Variants in TESMIN observed in about 807,000 individuals in gnomAD.
TESMIN encodes CXC domain containing 2.
A neutral mutation model predicts 47.4 loss-of-function variants in TESMIN; 34 were observed. The ratio of observed to expected loss-of-function variants is 0.72; its 90% confidence interval spans 0.55 to 0.96. The LOEUF (loss-of-function observed/expected upper bound fraction) is 0.96. Ranked by LOEUF, TESMIN falls within the 40% of genes least tolerant of loss-of-function variation. TESMIN has a pLI of 0.00. For synonymous variants in TESMIN, 278 were observed against 258.9 expected (o/e 1.07, Z -0.71); for missense variants, 610 against 637.2 (o/e 0.96, Z 0.46).
At chr11:68,731,957 T>G (rs535714400) in intron 6 of TESMIN, among the ~76,000 whole-genome samples, 2 of 152,338 alleles carry the variant, frequency 1.3e-5, no homozygotes, top group East Asian at 3.9e-4. Flanking sequence ...AACATCCTTT[T>G]CCAGTGCCCA....
downstream of TESMIN, among the ~76,000 whole-genome samples, chr11:68,705,158 C>T (rs1000280383): frequency 2.0e-5 from 3 of 152,306 alleles, no homozygotes; most frequent in Admixed American, 6.5e-5. Flanking sequence ...AAGCTGTGCC[C>T]GGTGCCTTCC....
intron 3 of TESMIN, among the ~76,000 whole-genome samples, chr11:68,746,529 C>T (rs1946522107): frequency 6.6e-6 from 1 of 152,116 alleles, no homozygotes; most frequent in South Asian, 2.1e-4. Flanking sequence ...TAAAGAATTG[C>T]TGGGGGAAAG....
chr11:68,727,596 G>A (rs1333351561), intron 6 of TESMIN, among the ~76,000 whole-genome samples: 1 of 152,174 alleles, frequency 6.6e-6, no homozygotes, highest in Non-Finnish European at 1.5e-5. Context: ...GTCCAAAAAT[G>A]TATAATTTAA....
chr11:68,739,519 G>A (rs539106520), intron 5 of TESMIN, among the ~76,000 whole-genome samples: 7 of 152,286 alleles, frequency 4.6e-5, no homozygotes, highest in Non-Finnish European at 8.8e-5. Flanking sequence ...GTCCAAAAAT[G>A]GAAATGTATC....
chr11:68,705,121 G>C (rs964559542), downstream of TESMIN, among the ~76,000 whole-genome samples: 2 of 152,184 alleles, frequency 1.3e-5, no homozygotes, highest in African/African-American at 4.8e-5. Flanking sequence ...GTGCAGCACG[G>C]AGACCGCACA....
intron 6 of TESMIN, among the ~76,000 whole-genome samples, chr11:68,725,799 T>C (rs370250585): frequency 6.6e-6 from 1 of 152,194 alleles, no homozygotes; most frequent in African/African-American, 2.4e-5. Flanking sequence ...AAACTCATTC[T>C]TAATTCATTG....
chr11:68,720,778 T>C (rs1338622833), intron 6 of TESMIN, among the ~76,000 whole-genome samples: 1 of 152,254 alleles, frequency 6.6e-6, no homozygotes, highest in East Asian at 1.9e-4. Context: ...AAATGTCTTT[T>C]ATTAATTTTA....
chr11:68,743,884 G>C (rs2153992969), intron 4 of TESMIN, among the ~76,000 whole-genome samples: 1 of 152,272 alleles, frequency 6.6e-6, no homozygotes, highest in South Asian at 2.1e-4. Flanking sequence ...GGGGGAGTAT[G>C]ATTATATGAT....
At position 68,711,985 on chromosome 11, in the gene TESMIN, C is replaced by T. The variant is rs138198705; in HGVS notation, c.1159-936G>A. On this transcript the variant is annotated intron_variant, in intron 8 of 9. Coordinates refer to ENST00000255087, the MANE Select transcript of TESMIN (RefSeq NM_004923.3). ...TGGCTTTCTCTTTCCTTCAGCCCCC[C>T]GGGGATTTCCCTCTGTTCTTTCCAG... is the stretch of plus-strand genomic sequence containing the variant. 2.9e-4 allele frequency among the ~76,000 whole-genome samples: 44 copies of T among 152,346 alleles called. No individual in the cohort carries two copies. In the East Asian group the frequency reaches 3.7e-3, roughly 13 times the overall value.
chr11:68,715,918 A>C lies in TESMIN; in HGVS notation c.939T>G (p.Ser313Arg). 6.2e-7 allele frequency: 1 copy of C among 1,612,506 alleles called. No homozygotes were observed. ...AATTGCAGTTGTTGCAAAAGTCCCC[A>C]CTGGCAAAGCAGTCACAGTACCTGT... ...TLAGYCDCFA[S>R]GDFCNNCNCN... Residue 313 changes from serine to arginine, a missense_variant, in exon 7 of 10, where the codon AGT becomes AGG. Ser to Arg is a moderately radical substitution (Grantham distance 110). Coordinates refer to ENST00000255087, the MANE Select transcript of TESMIN (RefSeq NM_004923.3).
At chr11:68,710,810 T>C in intron 9 of TESMIN, 64 bp downstream of exon 9, 1 of 1,458,968 alleles carries the variant, frequency 6.9e-7, no homozygotes. Context: ...TAAATTGTCG[T>C]TAATTCTCCT....
At chr11:68,709,364 C>G (rs1594282476) in intron 9 of TESMIN, among the ~76,000 whole-genome samples, 1 of 152,202 alleles carries the variant, frequency 6.6e-6, no homozygotes, top group East Asian at 1.9e-4. Context: ...CCCCGCAGGC[C>G]CACGTGCAGC....
intron 6 of TESMIN, among the ~76,000 whole-genome samples, chr11:68,735,950 C>A (rs1378459597): frequency 6.6e-6 from 1 of 152,258 alleles, no homozygotes; most frequent in African/African-American, 2.4e-5. Context: ...GGGCCTCTGA[C>A]TGCAGTGGAC....
chr11:68,708,529 C>T lies in TESMIN; in HGVS notation c.1335-29G>A, dbSNP rs548477264. 2.6e-6 allele frequency: 4 copies of T among 1,564,884 alleles called. No homozygotes were observed. In the East Asian group the frequency reaches 9.0e-5, roughly 35 times the overall value. ...TCAGAAACAGAGCAGTTAAAGGCCG[C>T]TCAACAGTGCACCATTTCTACCTAC... On this transcript the variant is annotated intron_variant, in intron 9 of 9. Transcript: ENST00000255087.
intron 4 of TESMIN, among the ~76,000 whole-genome samples, chr11:68,743,473 T>C (rs1946483743): frequency 6.6e-6 from 1 of 151,910 alleles, no homozygotes; most frequent in Non-Finnish European, 1.5e-5. Context: ...GGTCTTGAAC[T>C]CCTGAGCTCA....
chr11:68,711,713 G>C (rs970652638), intron 8 of TESMIN, among the ~76,000 whole-genome samples: 2 of 152,212 alleles, frequency 1.3e-5, no homozygotes, highest in Non-Finnish European at 2.9e-5. Context: ...TGCAGAGAAT[G>C]TACAAGAGAG....
rs189940776 is a variant in TESMIN, at chr11:68,714,749, G to T, written c.1020+1088C>A. On this transcript the variant is annotated intron_variant, in intron 7 of 9. Transcript: ENST00000255087. ...CCGTACAAATCTCCCAGTGGACATT[G>T]GCGCTTGCTTCTATTGGCTATATTT... Among the ~76,000 whole-genome samples, 3 of 152,304 alleles carry T rather than the reference G, an allele frequency of 2.0e-5. No individual in the cohort carries two copies. In the East Asian group the frequency reaches 5.8e-4, roughly 29 times the overall value.
At chr11:68,711,128 AATAATTCTTCGCGT>A (rs1416454704) in intron 8 of TESMIN, 79 bp from the exon 9 acceptor site, 35 of 1,248,658 alleles carry the variant, frequency 2.8e-5, no homozygotes, top group Non-Finnish European at 3.7e-5. Flanking sequence ...TTGGACCTTA[AATAATTCTTCGCGT>A]ATATTTGCCC....
At chr11:68,729,174 G>T (rs932357418) in intron 6 of TESMIN, among the ~76,000 whole-genome samples, 3 of 152,188 alleles carry the variant, frequency 2.0e-5, no homozygotes, top group African/African-American at 7.2e-5. Flanking sequence ...GTGCCATTAA[G>T]AATATTCATG....
Sources: allele counts gnomAD v4.1 joint callset (sites outside exome capture counted in the v4.1 genomes callset), GRCh38; gene constraint gnomAD v4.1.1; transcripts MANE v1.5; gene names NCBI Gene and HGNC (gene_info 2026-07-23, HGNC 2026-07-21).